Variants in RYR3 observed in about 807,000 individuals in gnomAD.
The protein encoded by RYR3 is brain ryanodine receptor-calcium release channel.
RYR3 carries 207 observed loss-of-function variants against 584.3 expected under a neutral mutation model. That is an observed-to-expected ratio of 0.35 (90% confidence interval 0.32 to 0.40). The LOEUF (loss-of-function observed/expected upper bound fraction) is 0.40. Among genes scored for constraint, RYR3 ranks in the 10% least tolerant of loss-of-function variants. The pLI, the probability that RYR3 is intolerant of heterozygous loss-of-function variation, is 1.00. For synonymous variants in RYR3, 2,416 were observed against 2,248.5 expected (o/e 1.07, Z -2.11); for missense variants, 5,616 against 6,089.2 (o/e 0.92, Z 2.59).
intron 67 of RYR3, among the ~76,000 whole-genome samples, chr15:33,789,979 TG>T (rs2075048600): frequency 8.5e-6 from 1 of 118,234 alleles, no homozygotes; most frequent in African/African-American, 3.3e-5. Context: ...CCACCACGCC[TG>T]GCCTTCTTTT....
intron 93 of RYR3, among the ~76,000 whole-genome samples, 183 bp from the exon 94 acceptor site, chr15:33,848,108 G>A (rs1207088258): frequency 6.6e-5 from 10 of 152,216 alleles, no homozygotes; most frequent in Admixed American, 6.5e-4. Flanking sequence ...GCTTTAAAGA[G>A]GTAGGTAGGT....
At chr15:33,463,498 A>G (rs1280048508) in intron 1 of RYR3, among the ~76,000 whole-genome samples, 1 of 152,062 alleles carries the variant, frequency 6.6e-6, no homozygotes, top group Non-Finnish European at 1.5e-5. Context: ...CTAGATCATT[A>G]TTTTTCCAAC....
chr15:33,324,643 T>G (rs1328041186), intron 1 of RYR3, among the ~76,000 whole-genome samples: 1 of 152,222 alleles, frequency 6.6e-6, no homozygotes, highest in Non-Finnish European at 1.5e-5. Context: ...TTCTTTTCTT[T>G]GCTGTGTTCT....
intron 18 of RYR3, among the ~76,000 whole-genome samples, chr15:33,607,094 G>A (rs772175523): frequency 6.6e-5 from 10 of 152,230 alleles, no homozygotes; most frequent in Admixed American, 3.3e-4. Flanking sequence ...GACGAGATCC[G>A]AGGAGTAGCT....
At position 33,836,925 on chromosome 15, in the gene RYR3, T is replaced by G. The variant is rs1223315504; in HGVS notation, c.11588T>G (p.Leu3863Arg). The change falls in exon 88 of 104, where the codon CTG becomes CGG. Residue 3863 changes from leucine (L) to arginine (R), a missense_variant. Coordinates refer to ENST00000634891, the MANE Select transcript of RYR3 (RefSeq NM_001036.6). ...KLSQDSSQIE[L>R]LKELLDLLQD... is the part of the protein sequence containing the mutation. ...TTCTAGGATTCCAGTCAGATCGAGC[T>G]GCTGAAGGAACTCTTGGATCTCCTT... is the stretch of plus-strand genomic sequence containing the variant. The G allele has an allele frequency of 6.2e-7, 1 of 1,613,618 alleles. No homozygotes were observed. The highest frequency in any genetic ancestry group is 8.5e-7 in the Non-Finnish European group (1 of 1,179,770).
intron 1 of RYR3, among the ~76,000 whole-genome samples, chr15:33,340,093 C>A (rs528287521): frequency 6.6e-6 from 1 of 152,186 alleles, no homozygotes; most frequent in East Asian, 1.9e-4. Flanking sequence ...GCCTGCTTCT[C>A]CTCCAAGGAC....
chr15:33,641,810 G>A (rs1363320602), intron 27 of RYR3, among the ~76,000 whole-genome samples: 1 of 152,134 alleles, frequency 6.6e-6, no homozygotes, highest in East Asian at 1.9e-4. Flanking sequence ...CATGGAGTGT[G>A]CAACTCTCCC....
intron 2 of RYR3, among the ~76,000 whole-genome samples, chr15:33,496,296 C>T (rs1396434181): frequency 1.3e-5 from 2 of 152,192 alleles, no homozygotes; most frequent in Non-Finnish European, 2.9e-5. Context: ...TACCAGCAGA[C>T]ATAATGCCCC....
chr15:33,384,428 G>C (rs927405116), intron 1 of RYR3, among the ~76,000 whole-genome samples: 2 of 145,550 alleles, frequency 1.4e-5, no homozygotes, highest in Admixed American at 1.4e-4. Flanking sequence ...TGTTTTTTTG[G>C]TCATTATTAT....
rs189563517 is a variant in RYR3 at position 33,422,332 on chromosome 15, G to A, written c.52-51087G>A. Among the ~76,000 whole-genome samples the A allele has an allele frequency of 1.6e-3, 240 of 152,310 alleles. 1 individual carries two copies. The highest frequency in any genetic ancestry group is 5.6e-3 in the African/African-American group (234 of 41,566). On this transcript the variant is annotated intron_variant, in intron 1 of 103. Coordinates refer to ENST00000634891, the MANE Select transcript of RYR3 (RefSeq NM_001036.6). ...ATCAGAATCTTTACTCCCCAGCTGA[G>A]TGCTGGGCTTAGTCTCTTGCTCATT...
At chr15:33,521,713 G>A (rs931343532) in intron 3 of RYR3, among the ~76,000 whole-genome samples, 1 of 152,138 alleles carries the variant, frequency 6.6e-6, no homozygotes, top group Admixed American at 6.5e-5. Context: ...TGGAGTCAAG[G>A]TCACTCTACA....
chr15:33,686,958 A>G (rs1363644601), intron 38 of RYR3, among the ~76,000 whole-genome samples: 2 of 152,208 alleles, frequency 1.3e-5, no homozygotes, highest in Non-Finnish European at 2.9e-5. Flanking sequence ...ACCCACAGCC[A>G]ATATCATAAT....
chr15:33,609,008 C>G (rs973652771), intron 18 of RYR3, among the ~76,000 whole-genome samples: 2 of 152,192 alleles, frequency 1.3e-5, no homozygotes, highest in African/African-American at 4.8e-5. Flanking sequence ...GAGCATCCCC[C>G]ATGAAAGCTG....
intron 1 of RYR3, among the ~76,000 whole-genome samples, chr15:33,457,096 C>T (rs1484896918): frequency 6.6e-6 from 1 of 151,844 alleles, no homozygotes; most frequent in African/African-American, 2.4e-5. Flanking sequence ...CTATGTTTTC[C>T]CCAAATTTGG....
intron 1 of RYR3, among the ~76,000 whole-genome samples, chr15:33,340,420 G>A (rs1343292621): frequency 6.6e-6 from 1 of 152,186 alleles, no homozygotes; most frequent in Non-Finnish European, 1.5e-5. Context: ...TTCCTATCCA[G>A]AGAATCAGAA....
At chr15:33,637,626 G>A (rs2061565907) in intron 27 of RYR3, among the ~76,000 whole-genome samples, 1 of 152,206 alleles carries the variant, frequency 6.6e-6, no homozygotes, top group African/African-American at 2.4e-5. Context: ...TTCCTACCTA[G>A]AAAGCTAAAA....
chr15:33,775,063 A>T (rs1199998125), intron 64 of RYR3, among the ~76,000 whole-genome samples: 1 of 150,968 alleles, frequency 6.6e-6, no homozygotes, highest in Admixed American at 6.6e-5. Context: ...GTCAACTCTG[A>T]AGTGTCAGAC....
intron 16 of RYR3, among the ~76,000 whole-genome samples, chr15:33,596,290 AT>A (rs1233475948): frequency 1.3e-5 from 2 of 151,874 alleles, no homozygotes; most frequent in Non-Finnish European, 2.9e-5. Flanking sequence ...CTATTATTTG[AT>A]TTAATATAGC....
At chr15:33,817,442 G>C (rs1380269159) in intron 75 of RYR3, among the ~76,000 whole-genome samples, 1 of 152,176 alleles carries the variant, frequency 6.6e-6, no homozygotes, top group African/African-American at 2.4e-5. Flanking sequence ...TGACACAAGA[G>C]GGGAAAACTT....
Sources: allele counts gnomAD v4.1 joint callset (sites outside exome capture counted in the v4.1 genomes callset), GRCh38; gene constraint gnomAD v4.1.1; transcripts MANE v1.5; gene names NCBI Gene and HGNC (gene_info 2026-07-23, HGNC 2026-07-21).